The following EYS variants were observed in gnomAD, a reference collection of about 807,000 sequenced individuals.
The protein encoded by EYS is protein eyes shut homolog.
EYS carries 250 observed loss-of-function variants against 282.1 expected under a neutral mutation model. The ratio of observed to expected loss-of-function variants is 0.89; its 90% CI spans 0.80 to 0.98. The LOEUF (loss-of-function observed/expected upper bound fraction) is 0.98. EYS is among the 50% of genes least tolerant of loss of function. The pLI, the probability that EYS is intolerant of heterozygous loss-of-function variation, is 0.00. For synonymous variants in EYS, 1,355 were observed against 1,282.9 expected (o/e 1.06, Z -1.20); for missense variants, 4,016 against 3,709.0 (o/e 1.08, Z -2.15).
intron 33 of EYS, among the ~76,000 whole-genome samples, chr6:64,039,519 A>G (rs1171167825): frequency 6.6e-6 from 1 of 152,192 alleles, no homozygotes; most frequent in Non-Finnish European, 1.5e-5. Context: ...CCTATGAATA[A>G]TTCTACTTTT....
At chr6:64,128,685 T>C (rs1773866083) in intron 31 of EYS, among the ~76,000 whole-genome samples, 3 of 152,180 alleles carry the variant, frequency 2.0e-5, no homozygotes, top group African/African-American at 7.2e-5. Flanking sequence ...ATAATCTGTA[T>C]AGCTCATTCA....
intron 31 of EYS, among the ~76,000 whole-genome samples, chr6:64,098,074 C>A (rs1210840252): frequency 1.3e-5 from 2 of 152,106 alleles, no homozygotes; most frequent in Non-Finnish European, 2.9e-5. Context: ...CTTACTGGGT[C>A]TAGTAAACAT....
At chr6:64,890,673 C>T (rs1767263157) in intron 18 of EYS, among the ~76,000 whole-genome samples, 1 of 152,070 alleles carries the variant, frequency 6.6e-6, no homozygotes, top group Admixed American at 6.6e-5. Context: ...TAACATTTAT[C>T]ATGTAACTTA....
intron 41 of EYS, among the ~76,000 whole-genome samples, chr6:63,728,672 C>T (rs1768703289): frequency 6.6e-6 from 1 of 152,166 alleles, no homozygotes; most frequent in African/African-American, 2.4e-5. Context: ...TTTACCATTA[C>T]AGTATCATAC....
At chr6:64,274,481 G>GTTTTTTTTTTTTTTTTTTTTT (rs10640761) in intron 30 of EYS, among the ~76,000 whole-genome samples, 1 of 92,230 alleles carries the variant, frequency 1.1e-5, no homozygotes, top group African/African-American at 4.7e-5. Context: ...ACGCCTGGCC[G>GTTTTTTTTTTTTTTTTTTTTT]TTTTTTTTTT....
At chr6:63,786,095 C>T (rs1674212863) in intron 39 of EYS, 1 of 150,524 alleles carries the variant, frequency 6.6e-6, no homozygotes, top group Non-Finnish European at 1.5e-5. Flanking sequence ...TTTAGTGGCT[C>T]AGCTACATGA....
At chr6:65,476,514 A>T (rs954908705) in intron 5 of EYS, among the ~76,000 whole-genome samples, 1 of 152,092 alleles carries the variant, frequency 6.6e-6, no homozygotes, top group Non-Finnish European at 1.5e-5. Context: ...TTCAAAATAT[A>T]TTAATTATTT....
chr6:65,000,368 T>C (rs1258604589), intron 13 of EYS, among the ~76,000 whole-genome samples: 1 of 152,248 alleles, frequency 6.6e-6, no homozygotes, highest in Non-Finnish European at 1.5e-5. Flanking sequence ...TCTGGATGTA[T>C]TATTCATTTT....
At chr6:63,953,465 T>C (rs564118132) in intron 35 of EYS, among the ~76,000 whole-genome samples, 1 of 152,266 alleles carries the variant, frequency 6.6e-6, no homozygotes, top group East Asian at 1.9e-4. Context: ...CCTCATCTGT[T>C]ACGTATCTTG....
intron 31 of EYS, among the ~76,000 whole-genome samples, chr6:64,151,793 G>A (rs1350829420): frequency 1.3e-5 from 2 of 152,100 alleles, no homozygotes; most frequent in African/African-American, 4.8e-5. Flanking sequence ...GGTGACTCTG[G>A]AGAAGAATGA....
chr6:64,161,597 AT>A (rs547064932), intron 31 of EYS, among the ~76,000 whole-genome samples: 1 of 152,072 alleles, frequency 6.6e-6, no homozygotes, highest in African/African-American at 2.4e-5. Flanking sequence ...GGCACTCATG[AT>A]TTTTTTTATG....
chr6:65,355,133 T>C (rs1470008883), intron 8 of EYS, among the ~76,000 whole-genome samples: 4 of 152,092 alleles, frequency 2.6e-5, no homozygotes, highest in African/African-American at 9.7e-5. Context: ...TAGTACATTA[T>C]TCATATTGAT....
At chr6:64,165,921 A>G (rs1764276741) in intron 31 of EYS, among the ~76,000 whole-genome samples, 2 of 152,206 alleles carry the variant, frequency 1.3e-5, no homozygotes, top group South Asian at 4.1e-4. Flanking sequence ...CCTGACAAAT[A>G]AACCATCATA....
intron 31 of EYS, among the ~76,000 whole-genome samples, chr6:64,127,862 G>T (rs993482873): frequency 3.9e-5 from 6 of 151,942 alleles, no homozygotes; most frequent in Admixed American, 3.3e-4. Flanking sequence ...TTATTATATG[G>T]GAAAATAATT....
intron 12 of EYS, among the ~76,000 whole-genome samples, chr6:65,126,447 AT>A (rs1174075915): frequency 1.3e-5 from 2 of 152,140 alleles, no homozygotes; most frequent in African/African-American, 4.8e-5. Context: ...TGGATCCTAA[AT>A]AGGCTGCTTG....
At chr6:63,765,933 T>C (rs974076786) in intron 40 of EYS, among the ~76,000 whole-genome samples, 8 of 151,980 alleles carry the variant, frequency 5.3e-5, no homozygotes, top group Non-Finnish European at 1.2e-4. Flanking sequence ...AGTTCAACTT[T>C]CAAGTGACAT....
At chr6:64,084,664 C>A (rs1772085461) in intron 31 of EYS, among the ~76,000 whole-genome samples, 1 of 152,072 alleles carries the variant, frequency 6.6e-6, no homozygotes, top group Non-Finnish European at 1.5e-5. Flanking sequence ...GTTCCAAGAA[C>A]CTTAAGAAAG....
intron 30 of EYS, among the ~76,000 whole-genome samples, chr6:64,236,008 G>GGGAC (rs1293838554): frequency 2.0e-5 from 3 of 152,190 alleles, no homozygotes; most frequent in African/African-American, 7.2e-5. Flanking sequence ...AAGCCGGGCA[G>GGGAC]AGACACAACC....
intron 41 of EYS, among the ~76,000 whole-genome samples, chr6:63,732,811 C>G (rs79928811): frequency 0.017 from 2,520 of 152,216 alleles, 50 homozygotes; most frequent in South Asian, 0.089. Flanking sequence ...CGGGACATAA[C>G]AGTAAAACAA....
Sources: gnomAD v4.1 joint callset for allele counts (sites outside exome capture counted in the v4.1 genomes callset) on GRCh38, gnomAD v4.1.1 for gene constraint, MANE v1.5 for transcripts, NCBI Gene and HGNC (gene_info 2026-07-23, HGNC 2026-07-21) for gene names.